EEIG1: variants seen among roughly 807,000 people sequenced by gnomAD.
EEIG1 encodes estrogen-induced osteoclastogenesis regulator 1.
At chr9:127,947,949 G>GCAAA in the EEIG1 span, 85 of 1,170,024 alleles carry the variant, frequency 7.3e-5, no homozygotes, top group African/African-American at 1.2e-3. Flanking sequence ...GCAGGAGCAT[G>GCAAA]CAAACACCCT....
the EEIG1 span, among the ~76,000 whole-genome samples, chr9:127,975,937 T>C: frequency 6.6e-6 from 1 of 152,134 alleles, no homozygotes; most frequent in East Asian, 1.9e-4. Context: ...TACATATGCC[T>C]GGGAGAATAC....
chr9:127,967,636 G>A, the EEIG1 span, among the ~76,000 whole-genome samples: 371 of 152,302 alleles, frequency 2.4e-3, 2 homozygotes, highest in African/African-American at 8.5e-3. Context: ...GGCTCTGCTC[G>A]GGGGACTTCC....
At chr9:127,960,407 G>A in the EEIG1 span, among the ~76,000 whole-genome samples, 1 of 152,206 alleles carries the variant, frequency 6.6e-6, no homozygotes, top group South Asian at 2.1e-4. Context: ...ATCTGATTCT[G>A]ACAGCGGCTC....
At chr9:127,956,964 C>T in the EEIG1 span, among the ~76,000 whole-genome samples, 8 of 152,290 alleles carry the variant, frequency 5.3e-5, no homozygotes, top group East Asian at 7.8e-4. Flanking sequence ...ATCCATCTGC[C>T]ATGGCATCCC....
the EEIG1 span, chr9:127,943,180 G>A: frequency 6.2e-7 from 1 of 1,613,908 alleles, no homozygotes; most frequent in South Asian, 1.1e-5. Flanking sequence ...CTCCAGCCCG[G>A]ACACCTGCTC....
At chr9:127,967,702 A>C in the EEIG1 span, among the ~76,000 whole-genome samples, 1 of 152,316 alleles carries the variant, frequency 6.6e-6, no homozygotes, top group Admixed American at 6.5e-5. Flanking sequence ...TGGGAAGCAG[A>C]GACTGGGGCT....
chr9:127,975,091 G>T, the EEIG1 span, among the ~76,000 whole-genome samples: 1 of 152,250 alleles, frequency 6.6e-6, no homozygotes, highest in African/African-American at 2.4e-5. Flanking sequence ...TTTCCTAGAA[G>T]GGCGGGTGAG....
the EEIG1 span, among the ~76,000 whole-genome samples, chr9:127,979,164 C>T: frequency 6.6e-6 from 1 of 152,186 alleles, no homozygotes; most frequent in Non-Finnish European, 1.5e-5. Context: ...CCTAAGTTCT[C>T]GCTGCTGCAG....
chr9:127,953,960 A>G, the EEIG1 span: 1 of 1,611,464 alleles, frequency 6.2e-7, no homozygotes, highest in Non-Finnish European at 8.5e-7. Flanking sequence ...GCACAGGCAC[A>G]CACATCCGCG....
chr9:127,944,856 G>C, the EEIG1 span: 1 of 1,612,418 alleles, frequency 6.2e-7, no homozygotes, highest in Non-Finnish European at 8.5e-7. Flanking sequence ...TCCGCGTGTC[G>C]TCCACCCAGG....
At chr9:127,958,193 T>A in the EEIG1 span, among the ~76,000 whole-genome samples, 1 of 152,210 alleles carries the variant, frequency 6.6e-6, no homozygotes, top group Admixed American at 6.5e-5. Context: ...TCATGCTATA[T>A]ACAAAAATTA....
the EEIG1 span, chr9:127,941,694 G>A: frequency 2.0e-5 from 3 of 152,270 alleles, no homozygotes; most frequent in Admixed American, 6.5e-5. Context: ...CCAGCCTGGG[G>A]AGGGCACCTG....
At chr9:127,946,049 G>A in the EEIG1 span, among the ~76,000 whole-genome samples, 3 of 152,246 alleles carry the variant, frequency 2.0e-5, no homozygotes, top group African/African-American at 7.2e-5. Flanking sequence ...GAGGTGCACA[G>A]CAGGGAGCAG....
chr9:127,978,861 A>T, the EEIG1 span, among the ~76,000 whole-genome samples: 1 of 152,002 alleles, frequency 6.6e-6, no homozygotes, highest in African/African-American at 2.4e-5. Context: ...TTAAAATTTA[A>T]AAAAAATTAG....
the EEIG1 span, chr9:127,979,866 C>T: frequency 1.6e-6 from 2 of 1,217,812 alleles, no homozygotes; most frequent in Non-Finnish European, 2.2e-6. Context: ...GTGCAACCTG[C>T]CCCAGGCACA....
the EEIG1 span, among the ~76,000 whole-genome samples, chr9:127,960,342 T>C: frequency 6.6e-6 from 1 of 151,696 alleles, no homozygotes; most frequent in African/African-American, 2.4e-5. Flanking sequence ...GGGGATGAGA[T>C]GGGTGAAGGA....
At chr9:127,977,711 G>A in the EEIG1 span, among the ~76,000 whole-genome samples, 1 of 152,210 alleles carries the variant, frequency 6.6e-6, no homozygotes, top group East Asian at 1.9e-4. Flanking sequence ...TTACAGAAAA[G>A]GAAACTGAAG....
At chr9:127,942,325 C>T in the EEIG1 span, 1 of 152,538 alleles carries the variant, frequency 6.6e-6, no homozygotes, top group African/African-American at 2.4e-5. Context: ...TCAGACCTTT[C>T]TCAGCACGGG....
chr9:127,980,178 G>GGT, the EEIG1 span: 2 of 1,590,152 alleles, frequency 1.3e-6, no homozygotes, highest in Non-Finnish European at 1.7e-6. Context: ...GGCGAAAAAA[G>GGT]GTGGAGAGGG....
Sources: allele counts gnomAD v4.1 joint callset (sites outside exome capture counted in the v4.1 genomes callset), GRCh38; gene constraint gnomAD v4.1.1; transcripts MANE v1.5; gene names NCBI Gene and HGNC (gene_info 2026-07-23, HGNC 2026-07-21).